The following ABCC4 variants were observed in gnomAD, a reference collection of about 807,000 sequenced individuals.
ABCC4 encodes the protein ATP-binding cassette sub-family C member 4.
Under a neutral mutation model 168.5 loss-of-function variants are expected in ABCC4, and 102 were observed. The observed-to-expected ratio is 0.61, with a 90% CI of 0.52 to 0.71. ABCC4 has a LOEUF of 0.71. ABCC4 is among the 30% of genes least tolerant of loss of function. ABCC4 has a pLI of 0.00. For missense variants in ABCC4, 1,402 were observed against 1,605.8 expected, an observed-to-expected ratio of 0.87 and a Z score of 2.17; for synonymous variants, 617 against 590.7, an observed-to-expected ratio of 1.04 and a Z score of -0.65.
chr13:95,242,657 T>C (rs748112046), intron 3 of ABCC4, among the ~76,000 whole-genome samples: 16 of 152,176 alleles, frequency 1.1e-4, no homozygotes, highest in Admixed American at 5.2e-4. Context: ...AATGCTGGGA[T>C]TATAGGCATA....
At chr13:95,075,243 C>T in intron 22 of ABCC4, 189 bp downstream of exon 22, 1 of 671,472 alleles carries the variant, frequency 1.5e-6, no homozygotes, top group African/African-American at 1.8e-5. Context: ...AGGGAACGTG[C>T]AGCAGCGATT....
At chr13:95,213,325 C>T (rs2039015921) in intron 4 of ABCC4, among the ~76,000 whole-genome samples, 1 of 152,196 alleles carries the variant, frequency 6.6e-6, no homozygotes, top group African/African-American at 2.4e-5. Context: ...TGGCCCGGGA[C>T]TGACCTGGCT....
chr13:95,224,840 C>G (rs748134448), intron 4 of ABCC4, among the ~76,000 whole-genome samples: 26 of 151,954 alleles, frequency 1.7e-4, no homozygotes, highest in African/African-American at 5.1e-4. Context: ...TGAAGAGCAC[C>G]AGAAATAGTA....
intron 11 of ABCC4, among the ~76,000 whole-genome samples, chr13:95,185,584 C>T (rs907108609): frequency 2.7e-4 from 41 of 152,190 alleles, no homozygotes; most frequent in African/African-American, 8.0e-4. Context: ...CAGTCTGTGG[C>T]GGCCTTTTCC....
chr13:95,101,696 C>A (rs1225200644), intron 20 of ABCC4, among the ~76,000 whole-genome samples: 1 of 152,138 alleles, frequency 6.6e-6, no homozygotes, highest in Non-Finnish European at 1.5e-5. Flanking sequence ...TTAGTGCTCA[C>A]TGGTTTATTC....
chr13:95,177,213 T>C (rs925538968), intron 13 of ABCC4, among the ~76,000 whole-genome samples: 1 of 152,190 alleles, frequency 6.6e-6, no homozygotes, highest in Non-Finnish European at 1.5e-5. Context: ...CAGATTAGTA[T>C]GTAAAGAGCA....
At chr13:95,278,535 C>G (rs2041029781) in intron 1 of ABCC4, among the ~76,000 whole-genome samples, 1 of 152,132 alleles carries the variant, frequency 6.6e-6, no homozygotes, top group Non-Finnish European at 1.5e-5. Context: ...TGGCTCACGC[C>G]TATAATCCCA....
intron 4 of ABCC4, among the ~76,000 whole-genome samples, chr13:95,231,380 C>T (rs1034009573): frequency 5.9e-5 from 9 of 152,274 alleles, no homozygotes; most frequent in East Asian, 3.9e-4. Flanking sequence ...AAATAAATGA[C>T]GAGTCATTTT....
At chr13:95,075,242 G>A (rs900143979) in intron 22 of ABCC4, 190 bp downstream of exon 22, 8 of 667,792 alleles carry the variant, frequency 1.2e-5, no homozygotes, top group African/African-American at 1.1e-4. Flanking sequence ...GAGGGAACGT[G>A]CAGCAGCGAT....
At chr13:95,083,317 T>C (rs1566402412) in intron 20 of ABCC4, 27 bp from the exon 21 acceptor site, 1 of 1,608,944 alleles carries the variant, frequency 6.2e-7, no homozygotes, top group African/African-American at 1.3e-5. Context: ...AGATGCAGGT[T>C]TTCCTTATCA....
At chr13:95,030,423 G>C (rs1479322559) in intron 30 of ABCC4, among the ~76,000 whole-genome samples, 1 of 152,138 alleles carries the variant, frequency 6.6e-6, no homozygotes, top group Admixed American at 6.5e-5. Flanking sequence ...CTTCATCAGG[G>C]AAGACAATGA....
chr13:95,287,031 G>A (rs1194830095), intron 1 of ABCC4, among the ~76,000 whole-genome samples: 1 of 152,064 alleles, frequency 6.6e-6, no homozygotes, highest in African/African-American at 2.4e-5. Flanking sequence ...GGGCACGATG[G>A]CTCACGCCTG....
At chr13:95,269,579 C>G (rs890182415) in intron 1 of ABCC4, among the ~76,000 whole-genome samples, 1 of 151,944 alleles carries the variant, frequency 6.6e-6, no homozygotes, top group Non-Finnish European at 1.5e-5. Flanking sequence ...GAACAGGGAC[C>G]AGCAAAATCT....
At chr13:95,151,626 AAGAAGGAGG>A (rs1319885399) in intron 19 of ABCC4, among the ~76,000 whole-genome samples, 5 of 147,404 alleles carry the variant, frequency 3.4e-5, no homozygotes, top group Non-Finnish European at 7.4e-5. Context: ...GAAGAAGGAG[AAGAAGGAGG>A]AGAAGGAGAA....
chr13:95,077,421 C>T (rs998547911), intron 21 of ABCC4, among the ~76,000 whole-genome samples: 3 of 152,122 alleles, frequency 2.0e-5, no homozygotes, highest in Non-Finnish European at 4.4e-5. Flanking sequence ...TCACTGCAGC[C>T]TCAACCTCCC....
chr13:95,277,952 C>T (rs1334205782), intron 1 of ABCC4, among the ~76,000 whole-genome samples: 1 of 152,140 alleles, frequency 6.6e-6, no homozygotes, highest in Non-Finnish European at 1.5e-5. Flanking sequence ...CTTCAATTGA[C>T]TTATGAAGAA....
chr13:95,078,955 A>G (rs1272659516), intron 21 of ABCC4, among the ~76,000 whole-genome samples: 1 of 152,232 alleles, frequency 6.6e-6, no homozygotes, highest in African/African-American at 2.4e-5. Flanking sequence ...GGGCAGGGTC[A>G]ACTTGAGAAA....
At chr13:95,175,190 G>A (rs1474536103) in intron 13 of ABCC4, among the ~76,000 whole-genome samples, 11 of 152,126 alleles carry the variant, frequency 7.2e-5, no homozygotes, top group Admixed American at 7.2e-4. Context: ...CAGCCGACTC[G>A]CTATCCACTT....
At chr13:95,189,961 A>G (rs950416597) in intron 9 of ABCC4, among the ~76,000 whole-genome samples, 38 of 152,300 alleles carry the variant, frequency 2.5e-4, no homozygotes, top group African/African-American at 8.7e-4. Context: ...TATAAATTCT[A>G]TGATAAAAAG....
Sources: gnomAD v4.1 joint callset for allele counts (sites outside exome capture counted in the v4.1 genomes callset) on GRCh38, gnomAD v4.1.1 for gene constraint, MANE v1.5 for transcripts, NCBI Gene and HGNC (gene_info 2026-07-23, HGNC 2026-07-21) for gene names.